Variants in LARS1 observed in about 807,000 individuals in gnomAD.
The protein encoded by LARS1 is leucine--tRNA ligase, cytoplasmic.
A neutral mutation model predicts 162.8 loss-of-function variants in LARS1; 100 were observed. That is an observed-to-expected ratio of 0.61 (90% CI 0.52 to 0.73). The LOEUF is 0.73. LARS1 is among the 30% of genes least tolerant of loss of function. The pLI, the probability that LARS1 is intolerant of heterozygous loss-of-function variation, is 0.00. For missense variants in LARS1, 1,258 were observed against 1,408.9 expected, an observed-to-expected ratio of 0.89 and a Z score of 1.71; for synonymous variants, 457 against 462.8, an observed-to-expected ratio of 0.99 and a Z score of 0.16.
chr5:146,148,406 T>C (rs1441090081), intron 15 of LARS1, among the ~76,000 whole-genome samples: 1 of 152,100 alleles, frequency 6.6e-6, no homozygotes, highest in East Asian at 1.9e-4. Flanking sequence ...AAATAGACAG[T>C]TGGAAAAGAG....
intron 10 of LARS1, among the ~76,000 whole-genome samples, 191 bp downstream of exon 10, chr5:146,157,212 A>G (rs572061840): frequency 7.2e-5 from 11 of 152,306 alleles, no homozygotes; most frequent in Admixed American, 3.3e-4. Context: ...AAACTGTTCT[A>G]TATCTTGATT....
chr5:146,179,350 C>T (rs1268634729), intron 1 of LARS1, among the ~76,000 whole-genome samples: 1 of 152,026 alleles, frequency 6.6e-6, no homozygotes, highest in Admixed American at 6.6e-5. Flanking sequence ...TTAGTAGAGA[C>T]GAGGTTTCAC....
At chr5:146,136,626 C>A (rs1003230851) in intron 21 of LARS1, among the ~76,000 whole-genome samples, 2 of 151,988 alleles carry the variant, frequency 1.3e-5, no homozygotes, top group Non-Finnish European at 2.9e-5. Context: ...GGATTACAGG[C>A]GCGCACCATC....
chr5:146,159,356 T>C (rs1753671748), intron 8 of LARS1, 51 bp downstream of exon 8: 3 of 1,402,290 alleles, frequency 2.1e-6, no homozygotes, highest in East Asian at 2.3e-5. Context: ...TTAAACTCTA[T>C]AGTCTTATTA....
intron 1 of LARS1, among the ~76,000 whole-genome samples, chr5:146,178,159 A>G (rs1006279857): frequency 6.6e-6 from 1 of 152,186 alleles, no homozygotes; most frequent in African/African-American, 2.4e-5. Context: ...TGGTTGAACA[A>G]TTACTGAAAT....
chr5:146,114,861 T>C (rs987856836), intron 31 of LARS1, among the ~76,000 whole-genome samples: 5 of 151,672 alleles, frequency 3.3e-5, no homozygotes, highest in African/African-American at 7.3e-5. Context: ...CTGACCAACA[T>C]GGTGAAACCC....
intron 4 of LARS1, among the ~76,000 whole-genome samples, chr5:146,170,386 C>T (rs1754206966): frequency 6.6e-6 from 1 of 151,790 alleles, no homozygotes; most frequent in Admixed American, 6.6e-5. Context: ...AAGAGAATCA[C>T]TTGAACTTGG....
chr5:146,177,240 G>T (rs559062119), intron 2 of LARS1, among the ~76,000 whole-genome samples: 186 of 152,058 alleles, frequency 1.2e-3, no homozygotes, highest in African/African-American at 4.0e-3. Context: ...GCCGAGGCGG[G>T]TGGATCACGA....
Position 146,172,748 on chromosome 5 carries a change from G to C in LARS1, c.152C>G (p.Pro51Arg). 6.4e-7 allele frequency: 1 copy of C among 1,571,192 alleles called. No homozygotes were observed. Among genetic ancestry groups the C allele is most frequent in the Non-Finnish European group, 8.6e-7 (1 of 1,159,558 alleles). ...AAGGCGTCCATTCATATATGGATAT[G>C]GGAAGGTTACAAAATACTTGCCCTT... ...TSKGKYFVTF[P>R]YPYMNGRLHL... The change falls in exon 3 of 32, where the codon CCA becomes CGA. Residue 51 changes from proline (P) to arginine (R), a missense_variant. Transcript: ENST00000394434.
chr5:146,173,656 T>C lies in LARS1; in HGVS notation c.126-882A>G, dbSNP rs568856550. 5.9e-5 allele frequency among the ~76,000 whole-genome samples: 9 copies of C among 152,134 alleles called. No individual in the cohort carries two copies. The East Asian group carries it at 9.7e-4, about 16-fold the overall frequency. ...GCTTGGTCTGTATTCTTTTTTCTTA[T>C]GAAGAATATCTAACATACATACTGT... On this transcript the variant is annotated intron_variant, in intron 2 of 31. Transcript: ENST00000394434.
intron 10 of LARS1, 127 bp downstream of exon 10, chr5:146,157,276 A>G: frequency 1.3e-6 from 1 of 766,936 alleles, no homozygotes. Flanking sequence ...AAAACACACA[A>G]GACTTACACA....
At chr5:146,164,013 T>C (rs1375557799) in intron 6 of LARS1, among the ~76,000 whole-genome samples, 2 of 152,168 alleles carry the variant, frequency 1.3e-5, no homozygotes, top group Non-Finnish European at 2.9e-5. Context: ...TGCCACCTTA[T>C]ATGGGTACAG....
Position 146,151,946 on chromosome 5 carries a change from A to G in LARS1, c.1341T>C (p.Asp447=). Residue 447 remains aspartate, a synonymous_variant, in exon 14 of 32, where the codon GAT becomes GAC. Transcript: ENST00000394434. ...CATTCTGGCTCTGAATTTTCAACTC[A>G]TCACAAATGGTTACAGCAGAAAGAT... ...FGNLSAVTIC[D]ELKIQSQNDR... The G allele has an allele frequency of 3.1e-6, 5 of 1,614,128 alleles. No homozygotes were observed. Among genetic ancestry groups the G allele is most frequent in the Non-Finnish European group, 4.2e-6 (5 of 1,180,024 alleles).
intron 27 of LARS1, among the ~76,000 whole-genome samples, chr5:146,127,147 G>A (rs931930503): frequency 2.6e-5 from 4 of 151,992 alleles, no homozygotes; most frequent in Middle Eastern, 3.2e-3. Flanking sequence ...TCTTTTCAAA[G>A]TTTTGGGCAA....
intron 27 of LARS1, among the ~76,000 whole-genome samples, chr5:146,128,272 G>T (rs940758752): frequency 1.3e-5 from 2 of 151,908 alleles, no homozygotes; most frequent in Non-Finnish European, 2.9e-5. Context: ...AATAAACAAG[G>T]TTACGATTTG....
chr5:146,113,790 TC>T lies in LARS1; in HGVS notation c.*315del, dbSNP rs1483524728. 3.4e-6 allele frequency: 1 copy of T among 296,902 alleles called. No homozygotes were observed. Among genetic ancestry groups the T allele is most frequent in the East Asian group, 7.1e-5 (1 of 14,142 alleles). 18.4% of individuals were successfully genotyped at this position (296,902 alleles called of 1,614,324 possible). On this transcript the variant is annotated 3_prime_UTR_variant, in exon 32 of 32. Coordinates refer to ENST00000394434, the MANE Select transcript of LARS1 (RefSeq NM_020117.11). Reference sequence around the variant, plus strand: ...CCTTCATCAAAGTATAAAGTACACCTCATAAAAGAAGCATACTGACACTTTT... The same window carrying T: ...CCTTCATCAAAGTATAAAGTACACCTATAAAAGAAGCATACTGACACTTTT...
chr5:146,143,328 CT>C, intron 19 of LARS1, 83 bp downstream of exon 19: 1 of 1,481,230 alleles, frequency 6.8e-7, no homozygotes, highest in East Asian at 2.3e-5. Context: ...TGAAATAAAT[CT>C]TATTAAAACA....
chr5:146,113,283 T>A lies in LARS1; in HGVS notation c.*823A>T, dbSNP rs1764056276. 6.6e-6 allele frequency: 1 copy of A among 152,334 alleles called. No individual in the cohort carries two copies. 9.4% of individuals were successfully genotyped at this position (152,334 alleles called of 1,614,324 possible). A position where few individuals can be genotyped will look rare whatever the true frequency, so the allele number is the denominator to read the frequency against. On this transcript the variant is annotated 3_prime_UTR_variant, in exon 32 of 32. Transcript: ENST00000394434. The stretch of plus-strand genomic sequence containing the variant: ...TTTCACCATGTTGGTCAGGCTGGTC[T>A]CAAACTCCTGACCTCAGGTGACTGC...
chr5:146,165,466 G>A (rs1291642359), intron 5 of LARS1, among the ~76,000 whole-genome samples: 2 of 152,214 alleles, frequency 1.3e-5, no homozygotes, highest in East Asian at 1.9e-4. Flanking sequence ...AGGAGGCAGA[G>A]GTTGCAGTGA....
Sources: gnomAD v4.1 joint callset for allele counts (sites outside exome capture counted in the v4.1 genomes callset) on GRCh38, gnomAD v4.1.1 for gene constraint, MANE v1.5 for transcripts, NCBI Gene and HGNC (gene_info 2026-07-23, HGNC 2026-07-21) for gene names.